Variants in SEPTIN9 observed in about 807,000 individuals in gnomAD.
SEPTIN9 encodes the protein septin 9.
A neutral mutation model predicts 56.6 loss-of-function variants in SEPTIN9; 13 were observed. The ratio of observed to expected loss-of-function variants is 0.23; its 90% CI spans 0.15 to 0.37. The LOEUF is 0.37. SEPTIN9 is among the 10% of genes least tolerant of loss of function. The pLI is 1.00. For synonymous variants in SEPTIN9, 332 were observed against 334.1 expected, an observed-to-expected ratio of 0.99 and a Z score of 0.07; for missense variants, 650 against 823.1, an observed-to-expected ratio of 0.79 and a Z score of 2.57.
At chr17:77,418,991 CAT>C (rs1329307923) in intron 3 of SEPTIN9, among the ~76,000 whole-genome samples, 24 of 152,294 alleles carry the variant, frequency 1.6e-4, no homozygotes, top group Admixed American at 1.4e-3. Context: ...CCTGGTTGCC[CAT>C]ACCCTGGCCT....
At chr17:77,285,099 C>T (rs899793398) in intron 1 of SEPTIN9, among the ~76,000 whole-genome samples, 1 of 152,148 alleles carries the variant, frequency 6.6e-6, no homozygotes, top group Non-Finnish European at 1.5e-5. Context: ...TAGGACGTTC[C>T]AGAAGCCTCC....
intron 2 of SEPTIN9, among the ~76,000 whole-genome samples, chr17:77,382,185 G>A (rs1395568830): frequency 2.0e-5 from 3 of 152,136 alleles, no homozygotes; most frequent in Admixed American, 1.3e-4. Context: ...GCACCACCAC[G>A]CCCAGCTAAT....
At chr17:77,496,096 T>C (rs1036789710) in intron 10 of SEPTIN9, 1 of 151,648 alleles carries the variant, frequency 6.6e-6, no homozygotes, top group Non-Finnish European at 1.5e-5. Flanking sequence ...TGGCGTGATC[T>C]TGGCTCACCA....
At chr17:77,373,391 C>A in intron 2 of SEPTIN9, 1 of 1,252,660 alleles carries the variant, frequency 8.0e-7, no homozygotes, top group Non-Finnish European at 1.0e-6. Flanking sequence ...TAGCTCTGCA[C>A]TGCAGGAGCG....
At chr17:77,382,727 A>G (rs2143976055) in intron 2 of SEPTIN9, among the ~76,000 whole-genome samples, 1 of 152,106 alleles carries the variant, frequency 6.6e-6, no homozygotes, top group Admixed American at 6.5e-5. Flanking sequence ...TACAAAAGAA[A>G]CCCTTGGCCG....
intron 1 of SEPTIN9, among the ~76,000 whole-genome samples, chr17:77,296,686 C>A (rs979765396): frequency 6.6e-6 from 1 of 152,108 alleles, no homozygotes; most frequent in East Asian, 1.9e-4. Flanking sequence ...AACCCCATCT[C>A]TACTAAAAAT....
At chr17:77,409,508 G>A (rs1316146416) in intron 3 of SEPTIN9, among the ~76,000 whole-genome samples, 2 of 152,240 alleles carry the variant, frequency 1.3e-5, no homozygotes, top group African/African-American at 4.8e-5. Flanking sequence ...GCAGCTGCGG[G>A]GAAGGGTGGG....
intron 2 of SEPTIN9, among the ~76,000 whole-genome samples, chr17:77,355,936 C>T (rs561378834): frequency 4.2e-5 from 6 of 143,930 alleles, no homozygotes; most frequent in Admixed American, 7.3e-5. Context: ...GAGCCGAGAT[C>T]GCGTCACTGC....
chr17:77,297,704 G>A (rs2031878277), intron 1 of SEPTIN9, among the ~76,000 whole-genome samples: 1 of 152,172 alleles, frequency 6.6e-6, no homozygotes, highest in Admixed American at 6.5e-5. Flanking sequence ...ACAAGCACTG[G>A]GGCACAGCAG....
rs1369881409 is a variant in SEPTIN9, at chr17:77,437,556, T to A, written c.721+34853T>A. On this transcript the variant is annotated intron_variant, in intron 3 of 11. Transcript: ENST00000427177. This position sits in a 1 kb window ranked among gnomAD's most constrained non-coding sequence, Gnocchi z 5.3. ...GAGGCTGCTCAAGACCTTCTGCCCC[T>A]CAGGGACCAGGTGAGGGCTTGTCGA... 2.6e-5 allele frequency among the ~76,000 whole-genome samples: 4 copies of A among 152,104 alleles called. No homozygotes were observed. The highest frequency in any genetic ancestry group is 3.4e-3 in the Middle Eastern group (1 of 294).
intron 2 of SEPTIN9, among the ~76,000 whole-genome samples, chr17:77,366,831 C>T (rs999320511): frequency 3.9e-5 from 6 of 152,134 alleles, no homozygotes; most frequent in African/African-American, 1.2e-4. Context: ...GGTGGGGAAC[C>T]GGGGAGCCAT....
chr17:77,435,681 G>A lies in SEPTIN9; in HGVS notation c.721+32978G>A, dbSNP rs2037310796. 1.3e-5 allele frequency among the ~76,000 whole-genome samples: 2 copies of A among 152,242 alleles called. No homozygotes were observed. Among genetic ancestry groups the A allele is most frequent in the African/African-American group, 2.4e-5 (1 of 41,456 alleles). On this transcript the variant is annotated intron_variant, in intron 3 of 11. Transcript: ENST00000427177. This position sits in a 1 kb window ranked among gnomAD's most constrained non-coding sequence, Gnocchi z 4.5. ...GCGGACGCTTTGGCACGAGGGTGGCGTTTCTGGTAATCCGTAGTGCTGTTG... is the reference window on the plus strand; with the variant it reads ...GCGGACGCTTTGGCACGAGGGTGGCATTTCTGGTAATCCGTAGTGCTGTTG...
chr17:77,288,011 C>A, intron 1 of SEPTIN9: 3 of 1,060,430 alleles, frequency 2.8e-6, no homozygotes, highest in Non-Finnish European at 3.4e-6. Context: ...GTGAGAGGAA[C>A]CCTGGATGGC....
intron 2 of SEPTIN9, among the ~76,000 whole-genome samples, chr17:77,360,157 C>CAAA (rs59677016): frequency 3.3e-5 from 4 of 120,864 alleles, no homozygotes; most frequent in Middle Eastern, 4.2e-3. Flanking sequence ...AACTCTGTCT[C>CAAA]AAAAAAAAAA....
Position 77,288,684 on chromosome 17 carries a change from T to C in SEPTIN9, c.19+7130T>C, listed in dbSNP as rs2031388946. ...GGGTTACATCCAACCCCTGTCATCT[T>C]CCAGCTTGTTAAGGACTTGACTAAC... On this transcript the variant is annotated intron_variant, in intron 1 of 11. Coordinates refer to ENST00000427177, the MANE Select transcript of SEPTIN9 (RefSeq NM_001113491.2). Among the ~76,000 whole-genome samples, 7 of 152,206 alleles carry C rather than the reference T, an allele frequency of 4.6e-5. No homozygotes were observed. In the South Asian group the frequency reaches 1.5e-3, roughly 32 times the overall value.
At position 77,313,829 on chromosome 17, in the gene SEPTIN9, C is replaced by T. The variant is rs113971572; in HGVS notation, c.76+6632C>T. ...CACTGCAGCCTCAACCTGCCAGGCTCAAGGGATCCTCCTGCCTTAGCCTCC... is the reference window on the plus strand; with the variant it reads ...CACTGCAGCCTCAACCTGCCAGGCTTAAGGGATCCTCCTGCCTTAGCCTCC... On this transcript the variant is annotated intron_variant, in intron 2 of 11. Coordinates refer to ENST00000427177, the MANE Select transcript of SEPTIN9 (RefSeq NM_001113491.2). This position sits in a 1 kb window ranked among gnomAD's most constrained non-coding sequence, Gnocchi z 4.5. Among the ~76,000 whole-genome samples the T allele has an allele frequency of 1.1e-3, 173 of 152,096 alleles. 1 individual carries two copies. Among genetic ancestry groups the T allele is most frequent in the African/African-American group, 4.0e-3 (166 of 41,488 alleles).
Position 77,399,006 on chromosome 17 carries a change from A to G in SEPTIN9, c.77-3053A>G, listed in dbSNP as rs375184699. 5.9e-5 allele frequency among the ~76,000 whole-genome samples: 9 copies of G among 152,280 alleles called. 1 individual carries two copies. Among genetic ancestry groups the G allele is most frequent in the Non-Finnish European group, 4.4e-5 (3 of 68,016 alleles). On this transcript the variant is annotated intron_variant, in intron 2 of 11. Transcript: ENST00000427177. ...AGAGGATGGTTGGGGACCGGCACAC[A>G]TGTGCATTTTGCGCAGATGGCCAAG...
chr17:77,316,854 G>C (rs891880932), intron 2 of SEPTIN9, among the ~76,000 whole-genome samples: 1 of 152,040 alleles, frequency 6.6e-6, no homozygotes, highest in Non-Finnish European at 1.5e-5. Context: ...TTACAGGCAC[G>C]TGCCACCTTG....
At chr17:77,352,356 G>A (rs535415347) in intron 2 of SEPTIN9, among the ~76,000 whole-genome samples, 19 of 152,068 alleles carry the variant, frequency 1.2e-4, no homozygotes, top group African/African-American at 4.3e-4. Context: ...GCAGTGAGCC[G>A]AGATCGCGCC....
Sources: allele counts gnomAD v4.1 joint callset (sites outside exome capture counted in the v4.1 genomes callset), GRCh38; gene constraint gnomAD v4.1.1; non-coding constraint Gnocchi (gnomAD v3.1); transcripts MANE v1.5; gene names NCBI Gene and HGNC (gene_info 2026-07-23, HGNC 2026-07-21).